FAR2: variants seen among roughly 807,000 people sequenced by gnomAD.
FAR2 encodes epididymis secretory protein Li 81.
A neutral mutation model predicts 56.0 loss-of-function variants in FAR2; 19 were observed. The ratio of observed to expected loss-of-function variants is 0.34; its 90% CI spans 0.24 to 0.50. The LOEUF (loss-of-function observed/expected upper bound fraction) is 0.50, where lower values mean the gene tolerates loss of function less well. Among genes scored for constraint, FAR2 ranks in the 20% least tolerant of loss-of-function variants. The pLI is 0.98. For missense variants in FAR2, 508 were observed against 642.2 expected, an observed-to-expected ratio of 0.79 and a Z score of 2.26; for synonymous variants, 219 against 218.8, an observed-to-expected ratio of 1.00 and a Z score of -0.01.
At position 29,321,954 on chromosome 12, in the gene FAR2, A is replaced by G. The variant is rs768421451; in HGVS notation, c.1257+30A>G. 3 of 1,589,440 alleles carry G rather than the reference A, an allele frequency of 1.9e-6. No homozygotes were observed. The African/African-American group carries it at 4.1e-5, about 22-fold the overall frequency. On this transcript the variant is annotated intron_variant, in intron 10 of 11. Coordinates refer to ENST00000536681, the MANE Select transcript of FAR2 (RefSeq NM_001271783.2). Reference sequence around the variant, plus strand: ...GTAGAGCACTGACTTAAGCACCAGGAAAATGCTACTCACTTGGAATTTAGA... The same window carrying G: ...GTAGAGCACTGACTTAAGCACCAGGGAAATGCTACTCACTTGGAATTTAGA...
intron 1 of FAR2, among the ~76,000 whole-genome samples, chr12:29,206,419 C>G (rs1022805338): frequency 1.3e-5 from 2 of 152,206 alleles, no homozygotes; most frequent in African/African-American, 4.8e-5. Context: ...ATATATTTAA[C>G]CTGGCACAAG....
intron 1 of FAR2, among the ~76,000 whole-genome samples, chr12:29,257,404 G>A (rs965683675): frequency 3.3e-5 from 5 of 152,168 alleles, no homozygotes; most frequent in Non-Finnish European, 5.9e-5. Context: ...AGACCACTGG[G>A]CTCCACCAAT....
chr12:29,269,386 G>T (rs1948575723), intron 1 of FAR2, among the ~76,000 whole-genome samples: 1 of 152,140 alleles, frequency 6.6e-6, no homozygotes, highest in Non-Finnish European at 1.5e-5. Flanking sequence ...CTTATTCCCT[G>T]AACAATTTCT....
intron 1 of FAR2, among the ~76,000 whole-genome samples, chr12:29,266,510 A>T (rs1196054020): frequency 2.0e-5 from 3 of 152,076 alleles, no homozygotes; most frequent in Non-Finnish European, 4.4e-5. Context: ...GCTGAGAGGG[A>T]TAGTGTTGAA....
chr12:29,152,928 G>C (rs975558165), intron 1 of FAR2, among the ~76,000 whole-genome samples: 1 of 152,214 alleles, frequency 6.6e-6, no homozygotes, highest in African/African-American at 2.4e-5. Flanking sequence ...TGGGTGCCCA[G>C]GGACCACAGT....
At chr12:29,257,837 C>T (rs900625865) in intron 1 of FAR2, among the ~76,000 whole-genome samples, 1 of 152,092 alleles carries the variant, frequency 6.6e-6, no homozygotes, top group African/African-American at 2.4e-5. Context: ...CACGAGGGTC[C>T]GGGGCTTCAT....
At chr12:29,216,554 A>T (rs1947623697) in intron 1 of FAR2, among the ~76,000 whole-genome samples, 1 of 152,176 alleles carries the variant, frequency 6.6e-6, no homozygotes, top group African/African-American at 2.4e-5. Flanking sequence ...AAAATTTTAC[A>T]TGTGAGCGCC....
chr12:29,332,730 A>C lies in FAR2; in HGVS notation c.1385+3A>C. On this transcript the variant is annotated splice_donor_region_variant and intron_variant, in intron 11 of 11. Coordinates refer to ENST00000536681, the MANE Select transcript of FAR2 (RefSeq NM_001271783.2). ...AAAGCAAAGCAACGCTTAAAAAGGT[A>C]AGTATAATCAGTCAGTTAATATTTA... 5 of 1,611,692 alleles carry C rather than the reference A, an allele frequency of 3.1e-6. No homozygotes were observed. Among genetic ancestry groups the C allele is most frequent in the Non-Finnish European group, 4.2e-6 (5 of 1,178,800 alleles).
Position 29,308,707 on chromosome 12 carries a change from C to CATATATATATATATATAT in FAR2, c.724-478_724-477insTATATATATATATATATA, listed in dbSNP as rs1253144255. On this transcript the variant is annotated intron_variant, in intron 5 of 11. Coordinates refer to ENST00000536681, the MANE Select transcript of FAR2 (RefSeq NM_001271783.2). Reference sequence around the variant, plus strand: ...ACACACAGACACACACACACACACACACACACACACACATATATATATATA... The same window carrying CATATATATATATATATAT: ...ACACACAGACACACACACACACACACATATATATATATATATATACACACACACACATATATATATATA... Among the ~76,000 whole-genome samples the CATATATATATATATATAT allele has an allele frequency of 3.0e-4, 41 of 136,972 alleles. 3 individuals carry two copies. Among genetic ancestry groups the CATATATATATATATATAT allele is most frequent in the African/African-American group, 1.3e-3 (40 of 30,754 alleles). The allele number at this position is 136,972 out of a possible 152,430, so 89.9% of individuals were successfully genotyped here.
At chr12:29,164,750 C>G (rs890143365) in intron 1 of FAR2, among the ~76,000 whole-genome samples, 1 of 152,166 alleles carries the variant, frequency 6.6e-6, no homozygotes, top group African/African-American at 2.4e-5. Context: ...GAGTCTTAGA[C>G]TGTTCGTGTG....
chr12:29,259,047 T>C (rs1387028694), intron 1 of FAR2, among the ~76,000 whole-genome samples: 1 of 152,248 alleles, frequency 6.6e-6, no homozygotes, highest in Non-Finnish European at 1.5e-5. Context: ...GTCATGTTTG[T>C]ACTTAGCTTC....
intron 1 of FAR2, among the ~76,000 whole-genome samples, chr12:29,193,552 CTCCATG>C (rs1950120015): frequency 6.6e-6 from 1 of 152,212 alleles, no homozygotes; most frequent in African/African-American, 2.4e-5. Flanking sequence ...TTTAAGTTTC[CTCCATG>C]TCTTCTCATG....
Position 29,311,968 on chromosome 12 carries a change from G to T in FAR2, c.955+18G>T, listed in dbSNP as rs768523036. On this transcript the variant is annotated intron_variant, in intron 8 of 11. Coordinates refer to ENST00000536681, the MANE Select transcript of FAR2 (RefSeq NM_001271783.2). ...CAAAATGGGTAAGTACTTTAGCTAT[G>T]TAACTCTATAATTACTAGTGTCTGG... 2.4e-5 allele frequency: 38 copies of T among 1,580,048 alleles called. No individual in the cohort carries two copies. Among genetic ancestry groups the T allele is most frequent in the Non-Finnish European group, 3.3e-5 (38 of 1,152,396 alleles).
chr12:29,212,748 ACTT>A (rs1312828686), intron 1 of FAR2, among the ~76,000 whole-genome samples: 3 of 152,138 alleles, frequency 2.0e-5, no homozygotes, highest in Non-Finnish European at 4.4e-5. Flanking sequence ...CTTTTTAACT[ACTT>A]CTTCTTTCTC....
intron 6 of FAR2, 55 bp from the exon 7 acceptor site, chr12:29,310,973 C>T (rs1949338924): frequency 7.7e-7 from 1 of 1,299,172 alleles, no homozygotes; most frequent in Admixed American, 1.7e-5. Flanking sequence ...CATACTTTAG[C>T]CCCAGCTATT....
chr12:29,223,717 A>G (rs971747028), intron 1 of FAR2: 4 of 152,208 alleles, frequency 2.6e-5, no homozygotes, highest in African/African-American at 7.2e-5. Flanking sequence ...GCATGGGGAT[A>G]TAATAGTGTG....
intron 2 of FAR2, among the ~76,000 whole-genome samples, chr12:29,289,059 G>C (rs948652601): frequency 6.6e-6 from 1 of 152,044 alleles, no homozygotes; most frequent in Non-Finnish European, 1.5e-5. Context: ...AACTAGAAAA[G>C]TATTCCATGT....
chr12:29,157,908 A>G (rs1456791783), intron 1 of FAR2, among the ~76,000 whole-genome samples: 4 of 152,242 alleles, frequency 2.6e-5, no homozygotes, highest in African/African-American at 9.6e-5. Flanking sequence ...AGAAATGGAT[A>G]AACTGAGTAA....
chr12:29,175,967 G>A (rs1949934239), intron 1 of FAR2, among the ~76,000 whole-genome samples: 2 of 152,090 alleles, frequency 1.3e-5, no homozygotes, highest in African/African-American at 4.8e-5. Context: ...GAAAAATAAA[G>A]CAAAATACCA....
Sources: gnomAD v4.1 joint callset for allele counts (sites outside exome capture counted in the v4.1 genomes callset) on GRCh38, gnomAD v4.1.1 for gene constraint, MANE v1.5 for transcripts, NCBI Gene and HGNC (gene_info 2026-07-23, HGNC 2026-07-21) for gene names.